The following SCP2 variants were observed in gnomAD, a reference collection of about 807,000 sequenced individuals.
The protein encoded by SCP2 is SCP-2/3-oxoacyl-CoA thiolase.
Under a neutral mutation model 71.4 loss-of-function variants are expected in SCP2, and 48 were observed. The ratio of observed to expected loss-of-function variants is 0.67; its 90% CI spans 0.53 to 0.86. The LOEUF is 0.86. Ranked by LOEUF, SCP2 falls within the 40% of genes least tolerant of loss-of-function variation. The probability of loss-of-function intolerance (pLI) is 0.00; values close to 1 mark genes in which losing one functional copy is unlikely to be tolerated. For missense variants in SCP2, 560 were observed against 655.6 expected, an observed-to-expected ratio of 0.85 and a Z score of 1.59; for synonymous variants, 220 against 218.1, an observed-to-expected ratio of 1.01 and a Z score of -0.08.
At chr1:52,996,813 G>A (rs1659968470) in intron 11 of SCP2, among the ~76,000 whole-genome samples, 1 of 152,222 alleles carries the variant, frequency 6.6e-6, no homozygotes, top group African/African-American at 2.4e-5. Context: ...ATGTGGGATA[G>A]TATATACTGC....
intron 13 of SCP2, among the ~76,000 whole-genome samples, chr1:53,031,084 A>G (rs1273408480): frequency 6.6e-6 from 1 of 152,146 alleles, no homozygotes; most frequent in Non-Finnish European, 1.5e-5. Context: ...AGAGGAACAC[A>G]TAGGATAGTG....
intron 4 of SCP2, among the ~76,000 whole-genome samples, chr1:52,951,903 G>A (rs1280104560): frequency 2.0e-5 from 3 of 151,896 alleles, no homozygotes; most frequent in Non-Finnish European, 4.4e-5. Flanking sequence ...ATTTTTAATA[G>A]AGACGGGGTT....
rs552312513 is a variant in SCP2 at position 53,009,775 on chromosome 1, A to G, written c.1082-5115A>G. Among the ~76,000 whole-genome samples, 4 of 152,368 alleles carry G rather than the reference A, an allele frequency of 2.6e-5. No homozygotes were observed. The South Asian group carries it at 8.3e-4, about 32-fold the overall frequency. On this transcript the variant is annotated intron_variant, in intron 11 of 15. Coordinates refer to ENST00000371514, the MANE Select transcript of SCP2 (RefSeq NM_002979.5). ...TGGCAACAAAAGCCAAAATTGACAA[A>G]TGGGATCTAATTAAACTGAAGAGCT... is the stretch of plus-strand genomic sequence containing the variant.
At chr1:52,943,246 G>A (rs566968568) in intron 2 of SCP2, among the ~76,000 whole-genome samples, 16 of 149,392 alleles carry the variant, frequency 1.1e-4, no homozygotes, top group Middle Eastern at 3.4e-3. Flanking sequence ...TTTTTGAGAC[G>A]GAGTCTTGCT....
chr1:52,945,567 G>A (rs997943270), intron 2 of SCP2, among the ~76,000 whole-genome samples: 4 of 152,174 alleles, frequency 2.6e-5, no homozygotes, highest in Admixed American at 2.6e-4. Context: ...AGCCAGATTG[G>A]TGGTGGGCGC....
At chr1:52,990,924 G>A (rs1165784520) in intron 11 of SCP2, among the ~76,000 whole-genome samples, 1 of 152,094 alleles carries the variant, frequency 6.6e-6, no homozygotes, top group Non-Finnish European at 1.5e-5. Context: ...AAAGTCGTTG[G>A]CAATCTTGGA....
Position 52,960,480 on chromosome 1 carries a change from A to ATGTGTGTGTGTGTG in SCP2, c.397-997_397-984dup, listed in dbSNP as rs71044447. Reference sequence around the variant, plus strand: ...CCCACCATGCCTGGCTACTATGTATATGTGTGTGTGTGTGTGTGTGTGTGT... The same window carrying ATGTGTGTGTGTGTG: ...CCCACCATGCCTGGCTACTATGTATATGTGTGTGTGTGTGTGTGTGTGTGTGTGTGTGTGTGTGT... On this transcript the variant is annotated intron_variant, in intron 5 of 15. Coordinates refer to ENST00000371514, the MANE Select transcript of SCP2 (RefSeq NM_002979.5). Among the ~76,000 whole-genome samples, 210 of 139,596 alleles carry ATGTGTGTGTGTGTG rather than the reference A, an allele frequency of 1.5e-3. 6 individuals are homozygous for ATGTGTGTGTGTGTG. Among genetic ancestry groups the ATGTGTGTGTGTGTG allele is most frequent in the African/African-American group, 5.1e-3 (186 of 36,288 alleles). The allele number at this position is 139,596 out of a possible 152,430, so 91.6% of individuals were successfully genotyped here. A position where few individuals can be genotyped will look rare whatever the true frequency, so the allele number is the denominator to read the frequency against.
At chr1:53,013,053 T>A (rs907365683) in intron 11 of SCP2, among the ~76,000 whole-genome samples, 2 of 152,012 alleles carry the variant, frequency 1.3e-5, no homozygotes, top group Non-Finnish European at 2.9e-5. Context: ...ACCTTCCTCA[T>A]TAATTTCTAA....
chr1:53,002,839 A>T (rs1660401237), intron 11 of SCP2, among the ~76,000 whole-genome samples: 1 of 152,226 alleles, frequency 6.6e-6, no homozygotes, highest in Non-Finnish European at 1.5e-5. Context: ...ATTTTAACCA[A>T]GGGACCGAGC....
chr1:52,936,921 A>G (rs901359353), intron 1 of SCP2, among the ~76,000 whole-genome samples: 2 of 152,148 alleles, frequency 1.3e-5, no homozygotes, highest in African/African-American at 4.8e-5. Context: ...AAAACAATTC[A>G]TTAGGATATG....
chr1:53,010,834 AT>A (rs1660941572), intron 11 of SCP2, among the ~76,000 whole-genome samples: 2 of 152,052 alleles, frequency 1.3e-5, no homozygotes, highest in Non-Finnish European at 2.9e-5. Flanking sequence ...ACTTTGTGAG[AT>A]TCACCCCCTG....
At chr1:52,931,837 A>G (rs547069589) in intron 1 of SCP2, among the ~76,000 whole-genome samples, 1 of 152,332 alleles carries the variant, frequency 6.6e-6, no homozygotes, top group Non-Finnish European at 1.5e-5. Context: ...ACTTTGGAGG[A>G]GGGATCAGAA....
intron 14 of SCP2, among the ~76,000 whole-genome samples, chr1:53,044,617 C>A (rs1241572157): frequency 1.3e-5 from 2 of 152,160 alleles, no homozygotes; most frequent in Non-Finnish European, 2.9e-5. Context: ...CAGATCAGTG[C>A]ACTGTGAATA....
At chr1:52,951,650 T>A (rs547809890) in intron 4 of SCP2, among the ~76,000 whole-genome samples, 1 of 152,108 alleles carries the variant, frequency 6.6e-6, no homozygotes, top group East Asian at 1.9e-4. Context: ...CTCACCTTTT[T>A]AAAGTGTACG....
In SCP2 at chr1:53,047,910, A is replaced by G. The variant is rs758735694; in HGVS notation, c.1521A>G (p.Leu507=). ...TGGCTGACTCAGACTTCCTGGCTTT[A>G]ATGACTGGTAAAATGAATCCTCAGT... ...ITMADSDFLA[L]MTGKMNPQSA... is the part of the protein sequence containing the mutation. The change falls in exon 15 of 16, where the codon TTA becomes TTG. Residue 507 remains leucine (L), a synonymous_variant. Coordinates refer to ENST00000371514, the MANE Select transcript of SCP2 (RefSeq NM_002979.5). The G allele has an allele frequency of 1.2e-6, 2 of 1,613,368 alleles. No homozygotes were observed. Among genetic ancestry groups the G allele is most frequent in the South Asian group, 2.2e-5 (2 of 91,068 alleles).
intron 14 of SCP2, among the ~76,000 whole-genome samples, chr1:53,043,995 C>CTT (rs748293317): frequency 7.2e-5 from 11 of 152,036 alleles, no homozygotes; most frequent in Non-Finnish European, 1.2e-4. Flanking sequence ...ATAATAAAAC[C>CTT]TTTTTTTCTA....
intron 11 of SCP2, chr1:52,994,173 G>A (rs1490891300): frequency 9.6e-7 from 1 of 1,037,450 alleles, no homozygotes; most frequent in Non-Finnish European, 1.2e-6. Context: ...TGATTTTGTT[G>A]CTAATGGGAC....
chr1:52,979,202 T>C (rs1002647350), intron 9 of SCP2, among the ~76,000 whole-genome samples: 4 of 152,278 alleles, frequency 2.6e-5, no homozygotes, highest in South Asian at 4.1e-4. Context: ...GACAGGATCT[T>C]GCTTTGTTGC....
At chr1:52,995,080 G>A in intron 11 of SCP2, 4 of 499,324 alleles carry the variant, frequency 8.0e-6, no homozygotes, top group East Asian at 5.2e-5. Flanking sequence ...AGTTGTAGAT[G>A]TGGTGCAGGA....
Sources: allele counts gnomAD v4.1 joint callset (sites outside exome capture counted in the v4.1 genomes callset), GRCh38; gene constraint gnomAD v4.1.1; transcripts MANE v1.5; gene names NCBI Gene and HGNC (gene_info 2026-07-23, HGNC 2026-07-21).